DPYD: variants seen among roughly 807,000 people sequenced by gnomAD.
The protein encoded by DPYD is dihydropyrimidine dehydrogenase, also known as dihydropyrimidine dehydrogenase [NADP(+)].
Under a neutral mutation model 116.2 loss-of-function variants are expected in DPYD, and 109 were observed. The ratio of observed to expected loss-of-function variants is 0.94; its 90% CI spans 0.80 to 1.10. The LOEUF is 1.10. Ranked by LOEUF, DPYD falls within the 50% of genes least tolerant of loss-of-function variation. The pLI is 0.00. For missense variants in DPYD, 1,302 were observed against 1,254.5 expected, an observed-to-expected ratio of 1.04 and a Z score of -0.57; for synonymous variants, 440 against 432.0, an observed-to-expected ratio of 1.02 and a Z score of -0.23.
At chr1:97,798,579 A>G (rs1243299804) in intron 3 of DPYD, among the ~76,000 whole-genome samples, 1 of 151,942 alleles carries the variant, frequency 6.6e-6, no homozygotes, top group Non-Finnish European at 1.5e-5. Context: ...AATAGTACCT[A>G]CCTCACAGTA....
At chr1:97,600,000 G>A (rs542383756) in intron 8 of DPYD, among the ~76,000 whole-genome samples, 5 of 150,866 alleles carry the variant, frequency 3.3e-5, no homozygotes, top group Admixed American at 1.3e-4. Flanking sequence ...AGCTGAGATC[G>A]CACCACTGCA....
chr1:97,476,464 A>T (rs1294478221), intron 13 of DPYD, among the ~76,000 whole-genome samples: 1 of 152,206 alleles, frequency 6.6e-6, no homozygotes, highest in African/African-American at 2.4e-5. Flanking sequence ...TAGTAATCAG[A>T]GATAAAATGA....
At chr1:97,893,253 G>C (rs147779827) in intron 1 of DPYD, among the ~76,000 whole-genome samples, 5 of 151,134 alleles carry the variant, frequency 3.3e-5, no homozygotes, top group African/African-American at 1.2e-4. Flanking sequence ...AAAAAATAGA[G>C]ATGTATCTCA....
chr1:97,304,253 G>A (rs1472453240), intron 18 of DPYD, among the ~76,000 whole-genome samples: 2 of 151,886 alleles, frequency 1.3e-5, no homozygotes, highest in Admixed American at 6.6e-5. Flanking sequence ...ATGCTAACGC[G>A]GTCCACGTTA....
intron 1 of DPYD, among the ~76,000 whole-genome samples, chr1:97,899,421 T>C (rs1012558817): frequency 1.3e-5 from 2 of 152,058 alleles, no homozygotes; most frequent in Non-Finnish European, 1.5e-5. Context: ...CTCTGAACTT[T>C]GACAAATGCG....
intron 6 of DPYD, among the ~76,000 whole-genome samples, chr1:97,694,160 A>G (rs924107802): frequency 1.3e-5 from 2 of 152,228 alleles, no homozygotes; most frequent in African/African-American, 4.8e-5. Context: ...CACAGTGTTA[A>G]ACGAATAAGT....
At chr1:97,648,613 A>T (rs1181796252) in intron 8 of DPYD, among the ~76,000 whole-genome samples, 2 of 152,068 alleles carry the variant, frequency 1.3e-5, no homozygotes, top group African/African-American at 2.4e-5. Context: ...TCCTATAAAG[A>T]CACGCAGTTT....
chr1:97,171,424 C>T (rs1656718219), intron 20 of DPYD, among the ~76,000 whole-genome samples: 1 of 152,168 alleles, frequency 6.6e-6, no homozygotes, highest in South Asian at 2.1e-4. Context: ...TCTCTGCCAA[C>T]TCAGAATCAA....
chr1:97,224,299 T>C (rs938068676), intron 19 of DPYD, among the ~76,000 whole-genome samples: 1 of 152,060 alleles, frequency 6.6e-6, no homozygotes, highest in Non-Finnish European at 1.5e-5. Context: ...AAAGTTGTAC[T>C]AGGAAAATGA....
chr1:97,374,673 C>T lies in DPYD; in HGVS notation c.1975-1029G>A, dbSNP rs530746370. Among the ~76,000 whole-genome samples, 3 of 122,304 alleles carry T rather than the reference C, an allele frequency of 2.5e-5. No individual in the cohort carries two copies. The East Asian group carries it at 8.3e-4, about 34-fold the overall frequency. 80.2% of individuals were successfully genotyped at this position (122,304 alleles called of 152,430 possible). A position where few individuals can be genotyped will look rare whatever the true frequency, so the allele number is the denominator to read the frequency against. On this transcript the variant is annotated intron_variant, in intron 15 of 22. Coordinates refer to ENST00000370192, the MANE Select transcript of DPYD (RefSeq NM_000110.4). ...GGCGCAGCTTGCAGTAAGCTGAGAT[C>T]GCACCACTGCACTCCAGCCTGGGAA... is the stretch of plus-strand genomic sequence containing the variant.
At chr1:97,524,499 G>C (rs894578852) in intron 12 of DPYD, among the ~76,000 whole-genome samples, 1 of 152,088 alleles carries the variant, frequency 6.6e-6, no homozygotes, top group East Asian at 1.9e-4. Context: ...GTAGAACAAC[G>C]AACTCAGAAA....
chr1:97,387,362 A>C (rs1360157990), intron 14 of DPYD, among the ~76,000 whole-genome samples: 1 of 152,068 alleles, frequency 6.6e-6, no homozygotes, highest in Non-Finnish European at 1.5e-5. Flanking sequence ...ACTTCTAACC[A>C]ATATTTCTTG....
chr1:97,807,145 A>G (rs1668113781), intron 3 of DPYD, among the ~76,000 whole-genome samples: 1 of 152,084 alleles, frequency 6.6e-6, no homozygotes, highest in Non-Finnish European at 1.5e-5. Context: ...TTTTGTGTGG[A>G]CATAAGTTTT....
intron 8 of DPYD, among the ~76,000 whole-genome samples, chr1:97,637,997 G>C (rs1396395379): frequency 3.3e-5 from 5 of 152,070 alleles, no homozygotes; most frequent in African/African-American, 1.2e-4. Context: ...AGCCCTTGGT[G>C]TTCACTCTAA....
chr1:97,525,815 C>T (rs1649022483), intron 12 of DPYD, among the ~76,000 whole-genome samples: 1 of 136,468 alleles, frequency 7.3e-6, no homozygotes, highest in Non-Finnish European at 1.6e-5. Flanking sequence ...AGGCCAGTCT[C>T]TCCAAGAGCA....
At chr1:97,669,338 C>T (rs1451066637) in intron 8 of DPYD, among the ~76,000 whole-genome samples, 3 of 152,096 alleles carry the variant, frequency 2.0e-5, no homozygotes, top group African/African-American at 7.2e-5. Context: ...ATCATTCTTG[C>T]AGTATTGTTT....
At chr1:97,339,877 T>G (rs1669506471) in intron 16 of DPYD, among the ~76,000 whole-genome samples, 1 of 151,966 alleles carries the variant, frequency 6.6e-6, no homozygotes, top group Non-Finnish European at 1.5e-5. Context: ...ATCCAAAAAT[T>G]GTGGAGAAAA....
At chr1:97,669,795 A>G (rs1323136961) in intron 8 of DPYD, among the ~76,000 whole-genome samples, 1 of 152,168 alleles carries the variant, frequency 6.6e-6, no homozygotes, top group Admixed American at 6.6e-5. Context: ...ATTGTTCTAG[A>G]AAGAAATATA....
At position 97,422,207 on chromosome 1, in the gene DPYD, T is replaced by A. The variant is rs116431730; in HGVS notation, c.1905+27852A>T. ...ATTAAAATATTAATATAGGTAGCAA[T>A]ATTTGAATATGGAATTATTTACGTT... On this transcript the variant is annotated intron_variant, in intron 14 of 22. Transcript: ENST00000370192. 5.6e-3 allele frequency among the ~76,000 whole-genome samples: 854 copies of A among 152,292 alleles called. 4 individuals are homozygous for A. Among genetic ancestry groups the A allele is most frequent in the African/African-American group, 0.02 (823 of 41,576 alleles).
Sources: gnomAD v4.1 joint callset for allele counts (sites outside exome capture counted in the v4.1 genomes callset) on GRCh38, gnomAD v4.1.1 for gene constraint, MANE v1.5 for transcripts, NCBI Gene and HGNC (gene_info 2026-07-23, HGNC 2026-07-21) for gene names.